The following SEMA6D variants were observed in gnomAD, a reference collection of about 807,000 sequenced individuals.
SEMA6D encodes the protein semaphorin 6D.
In SEMA6D, 35 loss-of-function variants were observed where a neutral mutation model predicts 106.6. The observed-to-expected ratio is 0.33, with a 90% confidence interval of 0.25 to 0.44. The LOEUF is 0.44. SEMA6D is among the 20% of genes least tolerant of loss of function. The probability of loss-of-function intolerance (pLI) is 1.00; values close to 1 mark genes in which losing one functional copy is unlikely to be tolerated. For missense variants in SEMA6D, 1,185 were observed against 1,345.9 expected (o/e 0.88, Z 1.87); for synonymous variants, 499 against 487.7 (o/e 1.02, Z -0.31).
At chr15:47,652,493 C>A (rs935930218) in intron 4 of SEMA6D, among the ~76,000 whole-genome samples, 3 of 152,164 alleles carry the variant, frequency 2.0e-5, no homozygotes, top group African/African-American at 7.2e-5. Context: ...TCCCCTTCTT[C>A]AAAAACCCAC....
chr15:47,655,116 T>C (rs931662228), intron 4 of SEMA6D, among the ~76,000 whole-genome samples: 1 of 152,222 alleles, frequency 6.6e-6, no homozygotes, highest in Admixed American at 6.5e-5. Context: ...ATCTTTACTC[T>C]TTCCCTCCAT....
Position 47,189,023 on chromosome 15 carries a change from C to T in SEMA6D, c.-239+4605C>T, listed in dbSNP as rs994295064. ...CTATTATAGCACCAATCAGAAAAGCCAAGTAACTAAATCTTTTAATTTTCT... is the reference window on the plus strand; with the variant it reads ...CTATTATAGCACCAATCAGAAAAGCTAAGTAACTAAATCTTTTAATTTTCT... On this transcript the variant is annotated intron_variant, in intron 1 of 19. Transcript: ENST00000558014. 3.3e-5 allele frequency among the ~76,000 whole-genome samples: 5 copies of T among 152,134 alleles called. No individual in the cohort carries two copies. The South Asian group carries it at 1.0e-3, about 32-fold the overall frequency.
chr15:47,723,246 A>C (rs138487601), intron 1 of SEMA6D, among the ~76,000 whole-genome samples: 112 of 152,182 alleles, frequency 7.4e-4, no homozygotes, highest in African/African-American at 2.7e-3. Context: ...TTTTATTTCC[A>C]TTGGCCGTAT....
intron 3 of SEMA6D, among the ~76,000 whole-genome samples, chr15:47,496,339 A>C (rs1364813542): frequency 6.6e-6 from 1 of 152,070 alleles, no homozygotes; most frequent in Non-Finnish European, 1.5e-5. Context: ...TTCTGAAAGT[A>C]TTTACCCTTG....
rs187112559 is a variant in SEMA6D, at chr15:47,560,454, A to G, written c.-86-40411A>G. On this transcript the variant is annotated intron_variant, in intron 3 of 19. Coordinates refer to the SEMA6D transcript ENST00000558014. ...AAAAGAAAATAATAAAGGGCTCAAG[A>G]GCAGATTTGAGATGGAAAAGAAAAA... 1.1e-4 allele frequency among the ~76,000 whole-genome samples: 16 copies of G among 152,208 alleles called. 1 individual carries two copies. In the Middle Eastern group the frequency reaches 0.014, roughly 129 times the overall value.
chr15:47,221,130 C>T (rs2031162858), intron 1 of SEMA6D, among the ~76,000 whole-genome samples: 1 of 152,140 alleles, frequency 6.6e-6, no homozygotes, highest in Admixed American at 6.5e-5. Flanking sequence ...CTCTGTGCCC[C>T]CTGACTTTTT....
At chr15:47,240,252 G>A (rs1417073106) in intron 1 of SEMA6D, among the ~76,000 whole-genome samples, 1 of 152,128 alleles carries the variant, frequency 6.6e-6, no homozygotes, top group Admixed American at 6.6e-5. Context: ...TAGACTTATA[G>A]GTTTTTGGCT....
At chr15:47,532,035 G>A (rs764795966) in intron 3 of SEMA6D, among the ~76,000 whole-genome samples, 20 of 152,042 alleles carry the variant, frequency 1.3e-4, no homozygotes, top group South Asian at 2.1e-4. Flanking sequence ...CCCCACTCCC[G>A]GCAGTTAATT....
At position 47,761,693 on chromosome 15, in the gene SEMA6D, T is replaced by C. The variant is rs933454090; in HGVS notation, c.480T>C (p.Ile160=). 6.2e-7 allele frequency: 1 copy of C among 1,613,334 alleles called. No homozygotes were observed. The highest frequency in any genetic ancestry group is 8.5e-7 in the Non-Finnish European group (1 of 1,179,648). The change falls in exon 7 of 19, where the codon ATT becomes ATC. Residue 160 remains isoleucine, a synonymous_variant. Coordinates refer to ENST00000536845, the MANE Select transcript of SEMA6D (RefSeq NM_001358351.3). ...CCTTAGAATATGATGGGGAAGAAAT[T>C]AGTGGCCTGGCAAGATGCCCATTTG... is the stretch of plus-strand genomic sequence containing the variant. ...LSTLEYDGEE[I]SGLARCPFDA... is the part of the protein sequence containing the mutation.
At chr15:47,512,231 T>C (rs2044255423) in intron 3 of SEMA6D, among the ~76,000 whole-genome samples, 1 of 152,218 alleles carries the variant, frequency 6.6e-6, no homozygotes, top group Admixed American at 6.5e-5. Context: ...ATTTATGTTG[T>C]GATTTGCTGC....
At chr15:47,277,882 G>A (rs1000055524) in intron 1 of SEMA6D, among the ~76,000 whole-genome samples, 1 of 149,978 alleles carries the variant, frequency 6.7e-6, no homozygotes, top group African/African-American at 2.4e-5. Flanking sequence ...TTGTTCTTGC[G>A]ATAGTTTACT....
At chr15:47,232,059 C>T (rs926587540) in intron 1 of SEMA6D, among the ~76,000 whole-genome samples, 14 of 151,908 alleles carry the variant, frequency 9.2e-5, no homozygotes, top group African/African-American at 3.4e-4. Context: ...TAGTGTCTCT[C>T]CAGAGTTTCC....
intron 1 of SEMA6D, among the ~76,000 whole-genome samples, chr15:47,735,053 T>TA (rs961937836): frequency 1.7e-4 from 26 of 151,540 alleles, no homozygotes; most frequent in African/African-American, 4.1e-4. Context: ...TTGCCACACT[T>TA]AAAAAAAAAT....
chr15:47,222,204 A>C (rs2031268328), intron 1 of SEMA6D, among the ~76,000 whole-genome samples: 1 of 152,218 alleles, frequency 6.6e-6, no homozygotes, highest in South Asian at 2.1e-4. Context: ...CTTTCACAAA[A>C]TACACTTAGG....
intron 3 of SEMA6D, among the ~76,000 whole-genome samples, chr15:47,490,127 T>C (rs1366316700): frequency 6.6e-6 from 1 of 152,236 alleles, no homozygotes; most frequent in Non-Finnish European, 1.5e-5. Context: ...CATACTATTT[T>C]GTAATCACTT....
intron 1 of SEMA6D, among the ~76,000 whole-genome samples, chr15:47,260,263 C>T (rs370089111): frequency 6.6e-6 from 1 of 152,032 alleles, no homozygotes; most frequent in East Asian, 1.9e-4. Context: ...GGGTAATTTT[C>T]TGTTGCATCA....
At chr15:47,626,671 G>T (rs1368241262) in intron 4 of SEMA6D, among the ~76,000 whole-genome samples, 1 of 152,100 alleles carries the variant, frequency 6.6e-6, no homozygotes, top group Non-Finnish European at 1.5e-5. Context: ...TTTTTCTGTT[G>T]CCCTTCTACA....
chr15:47,508,398 G>C (rs1368645401), intron 3 of SEMA6D, among the ~76,000 whole-genome samples: 1 of 152,186 alleles, frequency 6.6e-6, no homozygotes, highest in East Asian at 1.9e-4. Flanking sequence ...AATGAGGCTG[G>C]GGATAAGGTC....
At chr15:47,662,799 G>T (rs140489504) in intron 4 of SEMA6D, among the ~76,000 whole-genome samples, 1 of 151,628 alleles carries the variant, frequency 6.6e-6, no homozygotes, top group Non-Finnish European at 1.5e-5. Flanking sequence ...GAGGGGGTAG[G>T]TCGTGGGAGA....
Sources: allele counts gnomAD v4.1 joint callset (sites outside exome capture counted in the v4.1 genomes callset), GRCh38; gene constraint gnomAD v4.1.1; transcripts MANE v1.5; gene names NCBI Gene and HGNC (gene_info 2026-07-23, HGNC 2026-07-21).